Variants in TTC29 observed in about 807,000 individuals in gnomAD.
TTC29 encodes the protein tetratricopeptide repeat protein 29.
A neutral mutation model predicts 58.1 loss-of-function variants in TTC29; 49 were observed. The observed-to-expected ratio is 0.84, with a 90% confidence interval of 0.67 to 1.07. The LOEUF (loss-of-function observed/expected upper bound fraction) is 1.07. Ranked by LOEUF, TTC29 falls within the 50% of genes least tolerant of loss-of-function variation. The pLI is 0.00. For synonymous variants in TTC29, 209 were observed against 196.8 expected (o/e 1.06, Z -0.52); for missense variants, 582 against 555.6 (o/e 1.05, Z -0.48).
intron 4 of TTC29, among the ~76,000 whole-genome samples, chr4:146,923,472 G>A (rs1326342184): frequency 1.3e-5 from 2 of 151,350 alleles, no homozygotes; most frequent in Admixed American, 6.6e-5. Context: ...ATTTCACAAG[G>A]TTCAACACTC....
chr4:146,907,488 TTTTGTTTTGTTTTG>T (rs1368315219), intron 5 of TTC29, among the ~76,000 whole-genome samples: 3 of 152,102 alleles, frequency 2.0e-5, no homozygotes, highest in East Asian at 1.9e-4. Context: ...ATGTAGGTTG[TTTTGTTTTGTTTTG>T]TTTGTTTTGT....
chr4:146,835,732 C>T (rs1728466909), intron 8 of TTC29, among the ~76,000 whole-genome samples: 1 of 152,054 alleles, frequency 6.6e-6, no homozygotes, highest in African/African-American at 2.4e-5. Context: ...TATATTGCAC[C>T]ACTCTCTCAT....
chr4:146,732,641 A>C (rs564497516), intron 11 of TTC29, among the ~76,000 whole-genome samples: 2 of 152,218 alleles, frequency 1.3e-5, no homozygotes, highest in African/African-American at 2.4e-5. Context: ...ATTGAAGGAG[A>C]AGAGGTCAAG....
intron 11 of TTC29, among the ~76,000 whole-genome samples, chr4:146,716,027 G>T (rs1276092257): frequency 6.6e-6 from 1 of 151,934 alleles, no homozygotes; most frequent in Non-Finnish European, 1.5e-5. Flanking sequence ...TTACATTTTA[G>T]TTTACACTTT....
chr4:146,719,966 TC>T (rs1743239758), intron 11 of TTC29, among the ~76,000 whole-genome samples: 1 of 152,150 alleles, frequency 6.6e-6, no homozygotes, highest in Admixed American at 6.6e-5. Flanking sequence ...GAAAATGCTT[TC>T]CCAGGGCTAA....
intron 10 of TTC29, among the ~76,000 whole-genome samples, chr4:146,819,151 AT>A (rs1318661782): frequency 4.0e-5 from 6 of 151,642 alleles, no homozygotes; most frequent in Admixed American, 6.6e-5. Context: ...AAATAAAAAA[AT>A]AAAAAAAAGA....
At chr4:146,710,571 C>T (rs927553027) in intron 11 of TTC29, among the ~76,000 whole-genome samples, 8 of 152,066 alleles carry the variant, frequency 5.3e-5, no homozygotes, top group African/African-American at 1.7e-4. Context: ...ACTGCAAAAA[C>T]ACTCATTTGG....
intron 11 of TTC29, among the ~76,000 whole-genome samples, chr4:146,735,376 A>G (rs1228307068): frequency 6.6e-6 from 1 of 152,192 alleles, no homozygotes; most frequent in Admixed American, 6.5e-5. Flanking sequence ...ATGGATTATG[A>G]GAGTGACTAA....
intron 9 of TTC29, among the ~76,000 whole-genome samples, chr4:146,822,625 A>G (rs1751928183): frequency 6.6e-6 from 1 of 152,208 alleles, no homozygotes; most frequent in South Asian, 2.1e-4. Context: ...ATATCCAGTA[A>G]TGGGATTGCT....
chr4:146,803,254 C>T (rs1489238185), intron 11 of TTC29, among the ~76,000 whole-genome samples: 1 of 151,544 alleles, frequency 6.6e-6, no homozygotes, highest in Non-Finnish European at 1.5e-5. Context: ...CACATTATTA[C>T]CACTATTTTA....
intron 6 of TTC29, among the ~76,000 whole-genome samples, chr4:146,877,764 A>C (rs938442855): frequency 2.6e-5 from 4 of 152,228 alleles, no homozygotes; most frequent in Non-Finnish European, 5.9e-5. Flanking sequence ...GGGATGTAGA[A>C]TACTGTGAGA....
intron 4 of TTC29, chr4:146,934,270 G>A (rs1462404198): frequency 6.6e-6 from 1 of 152,172 alleles, no homozygotes; most frequent in Non-Finnish European, 1.5e-5. Context: ...AGATGAACAC[G>A]GGATACATTT....
chr4:146,905,647 C>A (rs1733474185), intron 5 of TTC29, among the ~76,000 whole-genome samples: 1 of 152,014 alleles, frequency 6.6e-6, no homozygotes, highest in African/African-American at 2.4e-5. Flanking sequence ...AGACCACTTC[C>A]TTGAATTGAC....
At chr4:146,871,465 C>T (rs1730925009) in intron 7 of TTC29, among the ~76,000 whole-genome samples, 4 of 151,792 alleles carry the variant, frequency 2.6e-5, no homozygotes, top group Admixed American at 2.6e-4. Flanking sequence ...AGAAGGGAAG[C>T]AGCAAAACTT....
intron 10 of TTC29, among the ~76,000 whole-genome samples, chr4:146,813,579 G>A (rs541234166): frequency 6.6e-6 from 1 of 152,050 alleles, no homozygotes; most frequent in Non-Finnish European, 1.5e-5. Flanking sequence ...CTTGAAAATT[G>A]TTAAGAATAC....
intron 11 of TTC29, among the ~76,000 whole-genome samples, chr4:146,786,335 T>G (rs1749014388): frequency 6.6e-6 from 1 of 152,216 alleles, no homozygotes. Flanking sequence ...ACGCCTGTGT[T>G]TGAAATATGT....
chr4:146,869,123 C>A (rs925707618), intron 7 of TTC29, among the ~76,000 whole-genome samples: 2 of 145,972 alleles, frequency 1.4e-5, no homozygotes, highest in East Asian at 2.0e-4. Flanking sequence ...AAAAAAACCT[C>A]TTTTCTTTAT....
At chr4:146,827,733 A>G (rs1423642163) in intron 9 of TTC29, among the ~76,000 whole-genome samples, 2 of 152,214 alleles carry the variant, frequency 1.3e-5, no homozygotes, top group African/African-American at 4.8e-5. Flanking sequence ...GATTCAATAA[A>G]TGGCACTAGT....
intron 11 of TTC29, among the ~76,000 whole-genome samples, chr4:146,730,100 C>T (rs940004989): frequency 1.3e-5 from 2 of 152,012 alleles, no homozygotes; most frequent in African/African-American, 4.8e-5. Context: ...TTGGATTTTC[C>T]TTGGTTTTTC....
Sources: gnomAD v4.1 joint callset for allele counts (sites outside exome capture counted in the v4.1 genomes callset) on GRCh38, gnomAD v4.1.1 for gene constraint, MANE v1.5 for transcripts, NCBI Gene and HGNC (gene_info 2026-07-23, HGNC 2026-07-21) for gene names.